GNAO1: variants seen among roughly 807,000 people sequenced by gnomAD.
GNAO1 encodes the protein G protein subunit alpha o1.
For synonymous variants in GNAO1, 164 were observed against 180.7 expected (o/e 0.91, Z 0.74); for missense variants, 166 against 478.7 (o/e 0.35, Z 6.10).
At chr16:56,289,389 C>T (rs1207072535) in intron 3 of GNAO1, among the ~76,000 whole-genome samples, 1 of 152,200 alleles carries the variant, frequency 6.6e-6, no homozygotes, top group Non-Finnish European at 1.5e-5. Context: ...TAGAAATGGG[C>T]ATGGTCCCCA....
At chr16:56,328,840 A>C in intron 4 of GNAO1, 49 bp downstream of exon 4, 2 of 1,582,346 alleles carry the variant, frequency 1.3e-6, no homozygotes, top group Non-Finnish European at 1.7e-6. Flanking sequence ...GTGATGCGGG[A>C]GTGGAAGGGA....
intron 3 of GNAO1, among the ~76,000 whole-genome samples, chr16:56,325,980 T>C (rs2037628245): frequency 6.6e-6 from 1 of 152,144 alleles, no homozygotes; most frequent in Non-Finnish European, 1.5e-5. Context: ...TGGCCCAGCA[T>C]GGTCACATGC....
intron 2 of GNAO1, among the ~76,000 whole-genome samples, chr16:56,249,903 C>T (rs1346732547): frequency 6.6e-6 from 1 of 152,172 alleles, no homozygotes; most frequent in African/African-American, 2.4e-5. Flanking sequence ...GGTCCCATGT[C>T]TCTTCTTAAA....
rs536021582 is a variant in GNAO1, at chr16:56,326,680, T to C, written c.304-1951T>C. 7.2e-5 allele frequency among the ~76,000 whole-genome samples: 11 copies of C among 152,324 alleles called. No individual in the cohort carries two copies. The highest frequency in any genetic ancestry group is 2.2e-4 in the African/African-American group (9 of 41,594). On this transcript the variant is annotated intron_variant, in intron 3 of 8. Coordinates refer to ENST00000262493, the MANE Select transcript of GNAO1 (RefSeq NM_020988.3). This position sits in a 1 kb window ranked among gnomAD's most constrained non-coding sequence, Gnocchi z 4.8. ...GGGAGGGCAAGGAAGCCGGGTTATTTGCCCATTCCTGTCTGTCCGGGGCAC... is the reference window on the plus strand; with the variant it reads ...GGGAGGGCAAGGAAGCCGGGTTATTCGCCCATTCCTGTCTGTCCGGGGCAC...
intron 3 of GNAO1, among the ~76,000 whole-genome samples, chr16:56,285,742 CA>C (rs2037160079): frequency 1.3e-5 from 2 of 152,328 alleles, no homozygotes; most frequent in East Asian, 3.9e-4. Context: ...CCTAAAAAGA[CA>C]ATTATAGGAT....
At chr16:56,236,691 C>T (rs1301061652) in intron 2 of GNAO1, among the ~76,000 whole-genome samples, 3 of 152,200 alleles carry the variant, frequency 2.0e-5, no homozygotes, top group African/African-American at 7.2e-5. Context: ...GGTCTCGTGG[C>T]ATTATAGTTA....
intron 3 of GNAO1, among the ~76,000 whole-genome samples, chr16:56,299,725 T>C (rs2037322725): frequency 6.6e-6 from 1 of 152,154 alleles, no homozygotes; most frequent in African/African-American, 2.4e-5. Flanking sequence ...TAAATTTGCA[T>C]GGGGAACTAG....
chr16:56,309,651 C>A (rs1418609408), intron 3 of GNAO1, among the ~76,000 whole-genome samples: 3 of 152,206 alleles, frequency 2.0e-5, no homozygotes, highest in African/African-American at 7.2e-5. Flanking sequence ...CTCACAGGAC[C>A]AGAAGCCAAG....
intron 2 of GNAO1, among the ~76,000 whole-genome samples, chr16:56,212,183 G>A (rs2036395408): frequency 6.6e-6 from 1 of 152,236 alleles, no homozygotes; most frequent in Non-Finnish European, 1.5e-5. Flanking sequence ...AATTCAGGGA[G>A]AGTTTTAGAA....
chr16:56,253,874 A>G (rs532352867), intron 2 of GNAO1, among the ~76,000 whole-genome samples: 21 of 152,340 alleles, frequency 1.4e-4, no homozygotes, highest in Non-Finnish European at 1.9e-4. Context: ...TTGAGCTTCT[A>G]CTTAAAAAAC....
chr16:56,264,818 TATATA>T (rs1372679810), intron 2 of GNAO1, among the ~76,000 whole-genome samples: 2 of 148,786 alleles, frequency 1.3e-5, no homozygotes, highest in East Asian at 3.9e-4. Flanking sequence ...ATTAATATAG[TATATA>T]GTATAGTATA....
chr16:56,207,808 A>G (rs1016320475), intron 2 of GNAO1, among the ~76,000 whole-genome samples: 11 of 152,164 alleles, frequency 7.2e-5, no homozygotes, highest in African/African-American at 2.7e-4. Flanking sequence ...TAAAAGAAAC[A>G]TTTTTGTTGT....
chr16:56,255,936 T>C (rs561562770), intron 2 of GNAO1, among the ~76,000 whole-genome samples: 3 of 152,230 alleles, frequency 2.0e-5, no homozygotes, highest in Non-Finnish European at 4.4e-5. Flanking sequence ...ATTGTTTTAA[T>C]ATGTGAGAAA....
At chr16:56,355,125 TACAC>T (rs59437828) in intron 8 of GNAO1, 44 bp downstream of exon 8, 9,794 of 547,978 alleles carry the variant, frequency 0.018, 5 homozygotes, top group East Asian at 0.029. Flanking sequence ...TGCGCGCGCA[TACAC>T]ACACACACAC....
At chr16:56,262,178 C>T (rs1320393190) in intron 2 of GNAO1, among the ~76,000 whole-genome samples, 1 of 152,214 alleles carries the variant, frequency 6.6e-6, no homozygotes, top group African/African-American at 2.4e-5. Flanking sequence ...AGCAGATGTC[C>T]ACTACAGCCC....
Position 56,191,752 on chromosome 16 carries a change from G to A in GNAO1, c.-484G>A. ...CTAACTCACTCCCTCCACATCCCGC[G>A]CCGCCGCCGCCGCCTCCTCCACCTC... On this transcript the variant is annotated 5_prime_UTR_variant, in exon 1 of 9. Coordinates refer to ENST00000262493, the MANE Select transcript of GNAO1 (RefSeq NM_020988.3). The surrounding 1 kb of genome is among the most constrained non-coding windows in gnomAD (Gnocchi z 4.7). 1 of 202,670 alleles carries A rather than the reference G, an allele frequency of 4.9e-6. No individual in the cohort carries two copies. Among genetic ancestry groups the A allele is most frequent in the Non-Finnish European group, 9.9e-6 (1 of 101,398 alleles). 12.6% of individuals were successfully genotyped at this position (202,670 alleles called of 1,614,324 possible).
chr16:56,285,050 C>T (rs1422052138), intron 3 of GNAO1, among the ~76,000 whole-genome samples: 1 of 152,218 alleles, frequency 6.6e-6, no homozygotes. Flanking sequence ...GGCCTGCCTT[C>T]TCTTCCGTGG....
chr16:56,244,052 A>G (rs1220446922), intron 2 of GNAO1, among the ~76,000 whole-genome samples: 1 of 152,238 alleles, frequency 6.6e-6, no homozygotes, highest in Non-Finnish European at 1.5e-5. Context: ...CACAGCTGGT[A>G]CAGCGGAGGC....
At chr16:56,346,510 A>G (rs1051989446) in intron 6 of GNAO1, 2 of 985,270 alleles carry the variant, frequency 2.0e-6, no homozygotes, top group African/African-American at 3.5e-5. Context: ...GCCGCTGACC[A>G]TCCTAAGAAC....
Sources: allele counts gnomAD v4.1 joint callset (sites outside exome capture counted in the v4.1 genomes callset), GRCh38; gene constraint gnomAD v4.1.1; non-coding constraint Gnocchi (gnomAD v3.1); transcripts MANE v1.5; gene names NCBI Gene and HGNC (gene_info 2026-07-23, HGNC 2026-07-21).